TSPAN9: variants seen among roughly 807,000 people sequenced by gnomAD.
The protein encoded by TSPAN9 is tetraspanin-9.
TSPAN9 carries 16 observed loss-of-function variants against 31.0 expected under a neutral mutation model. The observed-to-expected ratio is 0.52, with a 90% CI of 0.35 to 0.78. TSPAN9 has a LOEUF of 0.78. Among genes scored for constraint, TSPAN9 ranks in the 30% least tolerant of loss-of-function variants. The pLI is 0.01. For synonymous variants in TSPAN9, 145 were observed against 121.6 expected (o/e 1.19, Z -1.27); for missense variants, 272 against 312.5 (o/e 0.87, Z 0.98).
intron 2 of TSPAN9, among the ~76,000 whole-genome samples, chr12:3,181,366 G>A (rs1284474046): frequency 6.6e-6 from 1 of 152,184 alleles, no homozygotes; most frequent in South Asian, 2.1e-4. Flanking sequence ...TGCAGAGAAG[G>A]AAAGTGCCTT....
intron 3 of TSPAN9, among the ~76,000 whole-genome samples, chr12:3,259,065 A>G (rs1038742251): frequency 1.3e-5 from 2 of 152,116 alleles, no homozygotes; most frequent in African/African-American, 2.4e-5. Flanking sequence ...ATGAATGTCC[A>G]CTCTGTACTG....
intron 3 of TSPAN9, among the ~76,000 whole-genome samples, chr12:3,276,399 C>G (rs768021724): frequency 1.1e-4 from 17 of 152,240 alleles, no homozygotes; most frequent in Non-Finnish European, 2.4e-4. Context: ...ACCCCGCCTG[C>G]TTTGTCTCCT....
chr12:3,278,443 G>T lies in TSPAN9; in HGVS notation c.86G>T (p.Gly29Val). The change falls in exon 4 of 9, where the codon GGA becomes GTA. Residue 29 changes from glycine (G) to valine (V), a missense_variant. Gly to Val is a moderately radical substitution (Grantham distance 109). Transcript: ENST00000011898. ...CAGCTCTGTGGCTGTGGGCTGCTGG[G>T]AGTGGGCATCTGGCTCTCCGTGTCC... ...IFWLCGCGLLGVGIWLSVSQG... is the reference protein window; with the variant it reads ...IFWLCGCGLLVVGIWLSVSQG... 1 of 1,614,210 alleles carries T rather than the reference G, an allele frequency of 6.2e-7. No individual in the cohort carries two copies. Among genetic ancestry groups the T allele is most frequent in the Non-Finnish European group, 8.5e-7 (1 of 1,180,030 alleles).
chr12:3,135,969 C>T (rs900915018), intron 2 of TSPAN9, among the ~76,000 whole-genome samples: 1 of 152,136 alleles, frequency 6.6e-6, no homozygotes, highest in Non-Finnish European at 1.5e-5. Context: ...TTTTCAGTGT[C>T]TTAAAGGGTC....
intron 2 of TSPAN9, among the ~76,000 whole-genome samples, chr12:3,103,968 G>A (rs1026058848): frequency 1.3e-5 from 2 of 152,172 alleles, no homozygotes; most frequent in Admixed American, 6.5e-5. Flanking sequence ...AGGGCGGGAC[G>A]GGAGGATGAG....
At chr12:3,207,193 C>T (rs184458582) in intron 3 of TSPAN9, among the ~76,000 whole-genome samples, 4 of 152,018 alleles carry the variant, frequency 2.6e-5, no homozygotes, top group Non-Finnish European at 4.4e-5. Flanking sequence ...TTTTGTTTTT[C>T]TGGCAGAGAC....
chr12:3,244,875 C>A (rs2098398640), intron 3 of TSPAN9, among the ~76,000 whole-genome samples: 1 of 152,200 alleles, frequency 6.6e-6, no homozygotes, highest in Non-Finnish European at 1.5e-5. Flanking sequence ...CCTGCTCCTC[C>A]TGGGGCAGTG....
intron 2 of TSPAN9, among the ~76,000 whole-genome samples, chr12:3,138,766 C>T (rs1020604200): frequency 1.4e-4 from 22 of 152,196 alleles, no homozygotes; most frequent in Admixed American, 5.9e-4. Context: ...AGTGAGCCAT[C>T]GCATCCGGGC....
intron 2 of TSPAN9, among the ~76,000 whole-genome samples, chr12:3,155,722 T>A (rs974457913): frequency 6.6e-6 from 1 of 152,100 alleles, no homozygotes; most frequent in Admixed American, 6.5e-5. Flanking sequence ...GAAGACTGGA[T>A]TAGGTGGGTG....
At chr12:3,185,307 G>A (rs2098360644) in intron 2 of TSPAN9, among the ~76,000 whole-genome samples, 1 of 152,168 alleles carries the variant, frequency 6.6e-6, no homozygotes, top group Admixed American at 6.5e-5. Flanking sequence ...TCTGTCTCAT[G>A]TTGTTAGCAC....
intron 2 of TSPAN9, among the ~76,000 whole-genome samples, chr12:3,197,910 T>C (rs1435619045): frequency 5.7e-5 from 2 of 34,840 alleles, no homozygotes; most frequent in Non-Finnish European, 5.4e-5. Context: ...CCAGCACAGG[T>C]CACCACCAGC....
At chr12:3,231,577 A>C (rs1486189382) in intron 3 of TSPAN9, among the ~76,000 whole-genome samples, 7 of 152,218 alleles carry the variant, frequency 4.6e-5, no homozygotes, top group Non-Finnish European at 8.8e-5. Flanking sequence ...TAAAGAGGTC[A>C]ACCTCAAGGG....
intron 2 of TSPAN9, among the ~76,000 whole-genome samples, chr12:3,130,879 C>T (rs1267379680): frequency 6.6e-6 from 1 of 152,152 alleles, no homozygotes; most frequent in Non-Finnish European, 1.5e-5. Context: ...CCTTTAGGAT[C>T]CCAGTGCTCT....
intron 2 of TSPAN9, among the ~76,000 whole-genome samples, chr12:3,085,905 G>C (rs1210919356): frequency 6.6e-6 from 1 of 152,196 alleles, no homozygotes; most frequent in African/African-American, 2.4e-5. Flanking sequence ...GGAGCGGACT[G>C]GGGGTGGAAG....
intron 2 of TSPAN9, among the ~76,000 whole-genome samples, chr12:3,169,857 G>A (rs2098350763): frequency 6.6e-6 from 1 of 152,132 alleles, no homozygotes; most frequent in South Asian, 2.1e-4. Flanking sequence ...GGGGGAGGTG[G>A]AGGGTACAGA....
chr12:3,183,361 C>T (rs1329131447), intron 2 of TSPAN9, among the ~76,000 whole-genome samples: 1 of 152,184 alleles, frequency 6.6e-6, no homozygotes, highest in Non-Finnish European at 1.5e-5. Flanking sequence ...GCGTGACTTC[C>T]AGTTCTTGAC....
intron 2 of TSPAN9, among the ~76,000 whole-genome samples, chr12:3,117,278 C>T (rs2098322865): frequency 6.6e-6 from 1 of 152,072 alleles, no homozygotes; most frequent in African/African-American, 2.4e-5. Flanking sequence ...AGTTTTCCTG[C>T]CGTCATTTCC....
intron 2 of TSPAN9, among the ~76,000 whole-genome samples, chr12:3,169,845 C>G (rs1177608358): frequency 2.6e-5 from 4 of 151,932 alleles, no homozygotes. Flanking sequence ...TTCCTGGAGC[C>G]TGGGGGAGGT....
intron 3 of TSPAN9, among the ~76,000 whole-genome samples, chr12:3,262,928 C>G (rs1005482324): frequency 6.6e-6 from 1 of 152,160 alleles, no homozygotes. Context: ...GTCGCATCTC[C>G]GAGCCTCGGT....
Sources: allele counts gnomAD v4.1 joint callset (sites outside exome capture counted in the v4.1 genomes callset), GRCh38; gene constraint gnomAD v4.1.1; transcripts MANE v1.5; gene names NCBI Gene and HGNC (gene_info 2026-07-23, HGNC 2026-07-21).